The following FSTL4 variants were observed in gnomAD, a reference collection of about 807,000 sequenced individuals.
FSTL4 encodes follistatin like 4.
FSTL4 carries 28 observed loss-of-function variants against 78.2 expected under a neutral mutation model. The observed-to-expected ratio is 0.36, with a 90% confidence interval of 0.27 to 0.49. The LOEUF (loss-of-function observed/expected upper bound fraction) is 0.49, where lower values mean the gene tolerates loss of function less well. FSTL4 is among the 20% of genes least tolerant of loss of function. The pLI, the probability that FSTL4 is intolerant of heterozygous loss-of-function variation, is 0.98. For missense variants in FSTL4, 922 were observed against 1,084.9 expected, an observed-to-expected ratio of 0.85 and a Z score of 2.11; for synonymous variants, 422 against 440.5, an observed-to-expected ratio of 0.96 and a Z score of 0.53.
At chr5:133,836,005 G>A in the FSTL4 span, among the ~76,000 whole-genome samples, 9 of 152,146 alleles carry the variant, frequency 5.9e-5, no homozygotes, top group East Asian at 5.8e-4. Context: ...TTGTGCCTCC[G>A]ATTAATATTT....
chr5:133,265,160 C>G (rs1026148965), intron 6 of FSTL4, among the ~76,000 whole-genome samples: 1 of 152,072 alleles, frequency 6.6e-6, no homozygotes, highest in Admixed American at 6.5e-5. Context: ...CCCCGTCCCC[C>G]CACATCATCT....
the FSTL4 span, among the ~76,000 whole-genome samples, chr5:133,717,433 G>C: frequency 3.8e-3 from 579 of 152,300 alleles, 8 homozygotes; most frequent in African/African-American, 0.014. Flanking sequence ...TTATTTGGGT[G>C]TAATTTACAT....
intron 4 of FSTL4, among the ~76,000 whole-genome samples, chr5:133,350,944 G>A (rs1034724383): frequency 6.6e-6 from 1 of 152,196 alleles, no homozygotes; most frequent in African/African-American, 2.4e-5. Flanking sequence ...AAGAAAGGCT[G>A]GGAAAGGTAG....
chr5:133,542,817 C>G (rs1759503472), intron 3 of FSTL4, among the ~76,000 whole-genome samples: 1 of 149,732 alleles, frequency 6.7e-6, no homozygotes, highest in South Asian at 2.1e-4. Flanking sequence ...TTATTCCCTC[C>G]TCCTCCCTCT....
rs1750568246 is a variant in FSTL4, at chr5:133,207,666, CAG to C, written c.1716+2523_1716+2524del. Among the ~76,000 whole-genome samples, 3 of 152,270 alleles carry C rather than the reference CAG, an allele frequency of 2.0e-5. No individual in the cohort carries two copies. The East Asian group carries it at 5.8e-4, about 29-fold the overall frequency. The stretch of plus-strand genomic sequence containing the variant: ...CCCTACTTTTGTTTATTTTTTGAAA[CAG>C]GGTCTCACTCTGTCACCCAGGCTGG... On this transcript the variant is annotated intron_variant, in intron 14 of 15. Coordinates refer to ENST00000265342, the MANE Select transcript of FSTL4 (RefSeq NM_015082.2).
At chr5:133,638,920 A>G in the FSTL4 span, among the ~76,000 whole-genome samples, 2 of 69,880 alleles carry the variant, frequency 2.9e-5, no homozygotes, top group Non-Finnish European at 5.5e-5. Context: ...CATGTATTTT[A>G]GGTTTTTTTT....
the FSTL4 span, among the ~76,000 whole-genome samples, chr5:133,649,611 A>C: frequency 1.3e-5 from 2 of 152,116 alleles, no homozygotes; most frequent in South Asian, 4.1e-4. Context: ...GTGACACATG[A>C]TATGGAGCTT....
chr5:133,643,647 A>G, the FSTL4 span, among the ~76,000 whole-genome samples: 1 of 152,132 alleles, frequency 6.6e-6, no homozygotes, highest in Non-Finnish European at 1.5e-5. Context: ...TCCACCCCAG[A>G]CAGATGCTCC....
intron 3 of FSTL4, among the ~76,000 whole-genome samples, chr5:133,534,526 C>T (rs1759313323): frequency 6.6e-6 from 1 of 152,194 alleles, no homozygotes; most frequent in South Asian, 2.1e-4. Context: ...GCTCTGCCCT[C>T]CATGTGCCCA....
the FSTL4 span, among the ~76,000 whole-genome samples, chr5:133,718,117 G>T: frequency 1.3e-5 from 2 of 151,486 alleles, no homozygotes; most frequent in Admixed American, 6.6e-5. Flanking sequence ...TTTTGAGATG[G>T]AGTCTCACTC....
rs537264471 is a variant in FSTL4 at position 133,536,998 on chromosome 5, T to C, written c.160+30188A>G. Among the ~76,000 whole-genome samples the C allele has an allele frequency of 2.0e-5, 3 of 152,262 alleles. No homozygotes were observed. The East Asian group carries it at 5.8e-4, about 29-fold the overall frequency. ...AGAGGTTGCTCCTGGGAGTGGGGTG[T>C]CTGGTTCCTAGAGTACGGCATTTTC... is the stretch of plus-strand genomic sequence containing the variant. On this transcript the variant is annotated intron_variant, in intron 3 of 15. Transcript: ENST00000265342.
At chr5:133,695,603 G>A in the FSTL4 span, among the ~76,000 whole-genome samples, 4 of 152,196 alleles carry the variant, frequency 2.6e-5, no homozygotes, top group African/African-American at 9.7e-5. Context: ...TAAGGAAGAT[G>A]CCCGGGATGC....
intron 3 of FSTL4, among the ~76,000 whole-genome samples, chr5:133,460,479 G>T (rs774163945): frequency 1.2e-4 from 19 of 152,160 alleles, no homozygotes; most frequent in Admixed American, 2.6e-4. Flanking sequence ...ATTGCTTCTC[G>T]CATGAACACA....
intron 3 of FSTL4, among the ~76,000 whole-genome samples, chr5:133,445,026 T>C (rs1000201821): frequency 2.0e-5 from 3 of 152,234 alleles, no homozygotes; most frequent in African/African-American, 2.4e-5. Context: ...ACACACACCT[T>C]GTAGCCAGCA....
chr5:133,734,059 C>G, the FSTL4 span, among the ~76,000 whole-genome samples: 2 of 152,198 alleles, frequency 1.3e-5, no homozygotes, highest in Non-Finnish European at 2.9e-5. Flanking sequence ...TATATCCTAG[C>G]CTTGGAATGC....
At chr5:133,389,439 G>T (rs767041259) in intron 4 of FSTL4, among the ~76,000 whole-genome samples, 1 of 152,186 alleles carries the variant, frequency 6.6e-6, no homozygotes, top group Non-Finnish European at 1.5e-5. Context: ...CTGGAGTTCT[G>T]CAGGTGGGTG....
chr5:133,615,259 G>T (rs997390085), upstream of FSTL4, among the ~76,000 whole-genome samples: 1 of 152,246 alleles, frequency 6.6e-6, no homozygotes, highest in African/African-American at 2.4e-5. Context: ...GGTGGGAAAA[G>T]GCAGGAAAGA....
chr5:133,736,767 C>T, the FSTL4 span, among the ~76,000 whole-genome samples: 1 of 152,124 alleles, frequency 6.6e-6, no homozygotes, highest in Admixed American at 6.5e-5. Flanking sequence ...TGCTGGTGTC[C>T]AACCTGCAGC....
In FSTL4 at chr5:133,334,266, C is replaced by T. The variant is rs75875184; in HGVS notation, c.410-17614G>A. On this transcript the variant is annotated intron_variant, in intron 4 of 15. Transcript: ENST00000265342. Reference sequence around the variant, plus strand: ...GTCACAGTTGGCGAGGGTCCTGCCACGCTCACTGGGTCGTTCTCTTCCACA... The same window carrying T: ...GTCACAGTTGGCGAGGGTCCTGCCATGCTCACTGGGTCGTTCTCTTCCACA... 7.0e-3 allele frequency among the ~76,000 whole-genome samples: 1,060 copies of T among 152,350 alleles called. 12 individuals carry two copies. Among genetic ancestry groups the T allele is most frequent in the African/African-American group, 0.024 (996 of 41,574 alleles).
Sources: gnomAD v4.1 joint callset for allele counts (sites outside exome capture counted in the v4.1 genomes callset) on GRCh38, gnomAD v4.1.1 for gene constraint, MANE v1.5 for transcripts, NCBI Gene and HGNC (gene_info 2026-07-23, HGNC 2026-07-21) for gene names.